Variants in ARHGAP15 observed in about 807,000 individuals in gnomAD.
ARHGAP15 encodes the protein rho GTPase-activating protein 15.
Under a neutral mutation model 63.7 loss-of-function variants are expected in ARHGAP15, and 51 were observed. The ratio of observed to expected loss-of-function variants is 0.80; its 90% confidence interval spans 0.64 to 1.01. ARHGAP15 has a LOEUF of 1.01. Ranked by LOEUF, ARHGAP15 falls within the 50% of genes least tolerant of loss-of-function variation. ARHGAP15 has a pLI of 0.00. For missense variants in ARHGAP15, 560 were observed against 564.6 expected (o/e 0.99, Z 0.08); for synonymous variants, 191 against 193.8 (o/e 0.99, Z 0.12).
chr2:143,714,393 G>A (rs1684718002), intron 13 of ARHGAP15, among the ~76,000 whole-genome samples: 1 of 152,162 alleles, frequency 6.6e-6, no homozygotes, highest in Non-Finnish European at 1.5e-5. Context: ...TTTCCTCCTG[G>A]GCCTCTGGGC....
intron 9 of ARHGAP15, among the ~76,000 whole-genome samples, chr2:143,513,449 C>A (rs1211432120): frequency 1.3e-5 from 2 of 152,158 alleles, no homozygotes; most frequent in Non-Finnish European, 2.9e-5. Context: ...ACTAAGTAGT[C>A]CCCATATGCT....
At chr2:143,255,280 C>T (rs755490634) in intron 6 of ARHGAP15, among the ~76,000 whole-genome samples, 3 of 152,086 alleles carry the variant, frequency 2.0e-5, no homozygotes, top group African/African-American at 7.2e-5. Context: ...CCCCCGCCAC[C>T]ACCAATTTGT....
intron 1 of ARHGAP15, among the ~76,000 whole-genome samples, chr2:143,134,139 CT>C (rs781756238): frequency 0.092 from 3,386 of 36,970 alleles, 51 homozygotes; most frequent in Non-Finnish European, 0.18. Flanking sequence ...ATCTATCTAT[CT>C]ATCTATCTAT....
chr2:143,147,825 T>C lies in ARHGAP15; in HGVS notation c.-14-7652T>C, dbSNP rs191661048. Among the ~76,000 whole-genome samples the C allele has an allele frequency of 3.9e-3, 590 of 152,166 alleles. 2 individuals are homozygous for C. Among genetic ancestry groups the C allele is most frequent in the Non-Finnish European group, 5.9e-3 (404 of 67,958 alleles). ...ATCACAGGGTGCCCTTTTCATAAGA[T>C]TAATGTTTACAAATAGATACTGTAA... On this transcript the variant is annotated intron_variant, in intron 1 of 13. Transcript: ENST00000295095.
chr2:143,195,898 GC>G (rs1691869156), intron 2 of ARHGAP15, among the ~76,000 whole-genome samples: 1 of 152,018 alleles, frequency 6.6e-6, no homozygotes, highest in African/African-American at 2.4e-5. Flanking sequence ...AAAATAATAT[GC>G]CCAAATTCTG....
chr2:143,136,577 C>T (rs374869342), intron 1 of ARHGAP15, among the ~76,000 whole-genome samples: 15 of 152,018 alleles, frequency 9.9e-5, no homozygotes, highest in East Asian at 5.8e-4. Flanking sequence ...GTTGGGCCCC[C>T]GGCTCCAGGT....
intron 9 of ARHGAP15, among the ~76,000 whole-genome samples, chr2:143,491,877 A>T (rs1267362489): frequency 6.6e-6 from 1 of 151,660 alleles, no homozygotes; most frequent in Non-Finnish European, 1.5e-5. Context: ...AGCTTTTTTT[A>T]TTATTATTAT....
intron 2 of ARHGAP15, among the ~76,000 whole-genome samples, chr2:143,198,118 C>T (rs1691955756): frequency 6.6e-6 from 1 of 152,032 alleles, no homozygotes; most frequent in African/African-American, 2.4e-5. Context: ...ACTGTGTTTA[C>T]ACTTCGATAC....
chr2:143,294,743 G>A (rs1359988868), intron 6 of ARHGAP15, among the ~76,000 whole-genome samples: 1 of 152,020 alleles, frequency 6.6e-6, no homozygotes, highest in Non-Finnish European at 1.5e-5. Flanking sequence ...TCAGTGATTA[G>A]TCCAAAGAAG....
intron 2 of ARHGAP15, among the ~76,000 whole-genome samples, chr2:143,185,393 A>G (rs1036959171): frequency 6.6e-6 from 1 of 152,050 alleles, no homozygotes; most frequent in Non-Finnish European, 1.5e-5. Context: ...CTTTGCTTCA[A>G]ACTTTTGGTT....
intron 2 of ARHGAP15, among the ~76,000 whole-genome samples, chr2:143,193,695 CT>C (rs150413748): frequency 0.021 from 3,152 of 152,196 alleles, 127 homozygotes; most frequent in African/African-American, 0.072. Context: ...TAAAAGTGAC[CT>C]TTAAACATAG....
intron 12 of ARHGAP15, among the ~76,000 whole-genome samples, chr2:143,650,764 T>G (rs1282039613): frequency 6.6e-6 from 1 of 151,964 alleles, no homozygotes; most frequent in Non-Finnish European, 1.5e-5. Context: ...ATTTGTTGTA[T>G]CTATATGGTG....
At chr2:143,250,716 T>C (rs1050526890) in intron 6 of ARHGAP15, 116 bp downstream of exon 6, 1 of 773,668 alleles carries the variant, frequency 1.3e-6, no homozygotes, top group Non-Finnish European at 2.0e-6. Context: ...ACTCGTTGTC[T>C]GAAGGTCATG....
intron 6 of ARHGAP15, among the ~76,000 whole-genome samples, chr2:143,353,724 A>G (rs2105320164): frequency 6.6e-6 from 1 of 152,240 alleles, no homozygotes; most frequent in South Asian, 2.1e-4. Flanking sequence ...ATTTCCATGT[A>G]TTTGTTGATT....
At chr2:143,207,876 T>C (rs987392893) in intron 3 of ARHGAP15, among the ~76,000 whole-genome samples, 4 of 152,252 alleles carry the variant, frequency 2.6e-5, no homozygotes, top group Admixed American at 6.5e-5. Flanking sequence ...TGAAGTTTTC[T>C]TTACATCTGA....
Position 143,148,674 on chromosome 2 carries a change from C to T in ARHGAP15, c.-14-6803C>T, listed in dbSNP as rs1188812127. 1.3e-5 allele frequency among the ~76,000 whole-genome samples: 2 copies of T among 152,010 alleles called. 1 individual carries two copies. Among genetic ancestry groups the T allele is most frequent in the Non-Finnish European group, 2.9e-5 (2 of 67,980 alleles). ...AATGCAAAAACTTATTATCACATTT[C>T]CTATATATAACACCTGCCCAAAGAC... On this transcript the variant is annotated intron_variant, in intron 1 of 13. Transcript: ENST00000295095.
At chr2:143,652,587 A>T (rs940360194) in intron 12 of ARHGAP15, among the ~76,000 whole-genome samples, 3 of 152,084 alleles carry the variant, frequency 2.0e-5, no homozygotes, top group African/African-American at 4.8e-5. Context: ...CTCATTATTT[A>T]ATGAGGTCTT....
intron 13 of ARHGAP15, among the ~76,000 whole-genome samples, chr2:143,710,523 G>A (rs899915094): frequency 4.6e-5 from 7 of 152,154 alleles, no homozygotes; most frequent in African/African-American, 1.7e-4. Flanking sequence ...GGAAGGCTGT[G>A]GGAGATAAGG....
chr2:143,548,529 C>T (rs1408111934), intron 10 of ARHGAP15, among the ~76,000 whole-genome samples: 1 of 151,738 alleles, frequency 6.6e-6, no homozygotes, highest in Non-Finnish European at 1.5e-5. Context: ...AAAAAAAATC[C>T]TTCTCTTAGT....
Sources: gnomAD v4.1 joint callset for allele counts (sites outside exome capture counted in the v4.1 genomes callset) on GRCh38, gnomAD v4.1.1 for gene constraint, MANE v1.5 for transcripts, NCBI Gene and HGNC (gene_info 2026-07-23, HGNC 2026-07-21) for gene names.